The following PRKD1 variants were observed in gnomAD, a reference collection of about 807,000 sequenced individuals.
PRKD1 encodes the protein serine/threonine-protein kinase D1.
In PRKD1, 63 loss-of-function variants were observed where a neutral mutation model predicts 95.9. The observed-to-expected ratio is 0.66, with a 90% CI of 0.54 to 0.81. The LOEUF (loss-of-function observed/expected upper bound fraction) is 0.81, where lower values mean the gene tolerates loss of function less well. Ranked by LOEUF, PRKD1 falls within the 30% of genes least tolerant of loss-of-function variation. PRKD1 has a pLI of 0.00. For missense variants in PRKD1, 1,048 were observed against 1,165.3 expected (o/e 0.90, Z 1.47); for synonymous variants, 425 against 423.1 (o/e 1.00, Z -0.05).
At chr14:29,611,000 T>C (rs1196721671) in intron 13 of PRKD1, among the ~76,000 whole-genome samples, 4 of 152,220 alleles carry the variant, frequency 2.6e-5, no homozygotes, top group Non-Finnish European at 5.9e-5. Context: ...CTGACAGGGA[T>C]AGTTGAACAT....
intron 1 of PRKD1, among the ~76,000 whole-genome samples, chr14:29,787,583 C>T (rs1012708251): frequency 6.6e-6 from 1 of 151,768 alleles, no homozygotes; most frequent in African/African-American, 2.4e-5. Context: ...TATATAATGG[C>T]TTTCTTTATC....
At chr14:29,848,152 A>G (rs1892157596) in intron 1 of PRKD1, among the ~76,000 whole-genome samples, 1 of 152,184 alleles carries the variant, frequency 6.6e-6, no homozygotes, top group Non-Finnish European at 1.5e-5. Flanking sequence ...GTGTTCATAC[A>G]GAAACTTGCA....
At chr14:29,869,653 C>G (rs1371668206) in intron 1 of PRKD1, among the ~76,000 whole-genome samples, 1 of 152,102 alleles carries the variant, frequency 6.6e-6, no homozygotes, top group African/African-American at 2.4e-5. Flanking sequence ...AAAAATCAAA[C>G]AGCAAATATT....
intron 1 of PRKD1, among the ~76,000 whole-genome samples, chr14:29,789,932 C>T (rs577880054): frequency 3.3e-5 from 5 of 151,604 alleles, no homozygotes; most frequent in African/African-American, 9.7e-5. Flanking sequence ...TCCCCAGGCC[C>T]TTGGATAACA....
chr14:29,789,308 C>G (rs1217810676), intron 1 of PRKD1, among the ~76,000 whole-genome samples: 1 of 152,062 alleles, frequency 6.6e-6, no homozygotes, highest in African/African-American at 2.4e-5. Flanking sequence ...CGTTTCCTTG[C>G]TTTTTCATTT....
rs531070462 is a variant in PRKD1, at chr14:29,889,032, T to A, written c.264+38217A>T. Among the ~76,000 whole-genome samples the A allele has an allele frequency of 2.0e-5, 3 of 152,290 alleles. No individual in the cohort carries two copies. The South Asian group carries it at 6.2e-4, about 32-fold the overall frequency. ...TTCCTCATATGTGCAAAAACCTGTGTTTCATGTTTGGGTTCTGTTCAGGTG... is the reference window on the plus strand; with the variant it reads ...TTCCTCATATGTGCAAAAACCTGTGATTCATGTTTGGGTTCTGTTCAGGTG... On this transcript the variant is annotated intron_variant, in intron 1 of 17. Transcript: ENST00000331968.
At chr14:29,736,819 T>G (rs1276999149) in intron 1 of PRKD1, among the ~76,000 whole-genome samples, 3 of 152,238 alleles carry the variant, frequency 2.0e-5, no homozygotes, top group Non-Finnish European at 4.4e-5. Flanking sequence ...TATAAATTCA[T>G]GGTTGGCCAG....
At chr14:29,927,175 G>C (rs1182689052) in intron 1 of PRKD1, 74 bp downstream of exon 1, 4 of 1,335,454 alleles carry the variant, frequency 3.0e-6, no homozygotes, top group Non-Finnish European at 3.8e-6. Context: ...GAAAGTTGGC[G>C]CGGAGAGGGC....
intron 1 of PRKD1, among the ~76,000 whole-genome samples, chr14:29,751,667 C>T (rs140105732): frequency 3.9e-5 from 6 of 152,264 alleles, no homozygotes; most frequent in East Asian, 3.9e-4. Flanking sequence ...AAGGCATCTA[C>T]GATGGATTGA....
At position 29,649,901 on chromosome 14, in the gene PRKD1, C is replaced by T. The variant is rs527552765; in HGVS notation, c.697-10997G>A. ...GACCAATTAGACCTGGTTGGCCTTA[C>T]GCTTTGCTTAGAGCATACAGCCTCT... On this transcript the variant is annotated intron_variant, in intron 4 of 17. Coordinates refer to ENST00000331968, the MANE Select transcript of PRKD1 (RefSeq NM_002742.3). 4.3e-4 allele frequency among the ~76,000 whole-genome samples: 65 copies of T among 152,282 alleles called. 1 individual carries two copies. The highest frequency in any genetic ancestry group is 1.3e-3 in the African/African-American group (53 of 41,558).
intron 1 of PRKD1, among the ~76,000 whole-genome samples, chr14:29,867,175 T>A (rs1304366345): frequency 1.3e-5 from 2 of 152,142 alleles, no homozygotes; most frequent in Non-Finnish European, 2.9e-5. Context: ...CTTCCCAACA[T>A]CATTCTGTAG....
Position 29,599,440 on chromosome 14 carries a change from T to C in PRKD1, c.2067+216A>G, listed in dbSNP as rs45500596. Among the ~76,000 whole-genome samples, 1,395 of 152,300 alleles carry C rather than the reference T, an allele frequency of 9.2e-3. 22 individuals are homozygous for C. The highest frequency in any genetic ancestry group is 0.032 in the African/African-American group (1,343 of 41,562). ...TTTAAAATTTCATGAAAAGTTTGAA[T>C]ACATGGACCTGCAAACATGTTACTA... is the stretch of plus-strand genomic sequence containing the variant. On this transcript the variant is annotated intron_variant, in intron 14 of 17. Coordinates refer to ENST00000331968, the MANE Select transcript of PRKD1 (RefSeq NM_002742.3).
chr14:29,723,116 A>T (rs1206243797), intron 2 of PRKD1, among the ~76,000 whole-genome samples: 1 of 152,176 alleles, frequency 6.6e-6, no homozygotes, highest in Non-Finnish European at 1.5e-5. Flanking sequence ...AGGAATCTGA[A>T]GAATCATAAA....
At chr14:29,916,054 G>T (rs1728045098) in intron 1 of PRKD1, among the ~76,000 whole-genome samples, 1 of 152,144 alleles carries the variant, frequency 6.6e-6, no homozygotes, top group Non-Finnish European at 1.5e-5. Flanking sequence ...TGTTCCTGGA[G>T]GCTCCCCTCT....
chr14:29,769,089 A>T (rs1888389860), intron 1 of PRKD1, among the ~76,000 whole-genome samples: 1 of 152,206 alleles, frequency 6.6e-6, no homozygotes, highest in Admixed American at 6.5e-5. Flanking sequence ...AGGAAACGAC[A>T]GAGGCATCAA....
intron 1 of PRKD1, among the ~76,000 whole-genome samples, chr14:29,845,047 C>T (rs910557033): frequency 1.3e-5 from 2 of 152,182 alleles, no homozygotes; most frequent in African/African-American, 2.4e-5. Context: ...GTTATTATTG[C>T]TGTCTTTTTT....
chr14:29,862,318 CA>C lies in PRKD1; in HGVS notation c.264+64930del, dbSNP rs546397521. 2.3e-3 allele frequency among the ~76,000 whole-genome samples: 355 copies of C among 152,168 alleles called. 2 individuals are homozygous for C. The highest frequency in any genetic ancestry group is 7.9e-3 in the African/African-American group (327 of 41,534). On this transcript the variant is annotated intron_variant, in intron 1 of 17. Coordinates refer to ENST00000331968, the MANE Select transcript of PRKD1 (RefSeq NM_002742.3). The stretch of plus-strand genomic sequence containing the variant: ...ATCTTGGCTATTGTGAACAGGGCTG[CA>C]AAAAACATGGGAGAACAGATATCTC...
intron 9 of PRKD1, 132 bp downstream of exon 9, chr14:29,632,737 A>G: frequency 1.3e-6 from 1 of 776,964 alleles, no homozygotes; most frequent in Non-Finnish European, 2.1e-6. Flanking sequence ...TAGAGAAGAA[A>G]AAAAAAATAG....
At chr14:29,804,009 A>AG (rs947521823) in intron 1 of PRKD1, among the ~76,000 whole-genome samples, 8 of 152,088 alleles carry the variant, frequency 5.3e-5, no homozygotes, top group Admixed American at 1.3e-4. Context: ...TGGGAGGCCG[A>AG]GGGGGGCGGA....
Sources: allele counts gnomAD v4.1 joint callset (sites outside exome capture counted in the v4.1 genomes callset), GRCh38; gene constraint gnomAD v4.1.1; transcripts MANE v1.5; gene names NCBI Gene and HGNC (gene_info 2026-07-23, HGNC 2026-07-21).